The following ARNT2 variants were observed in gnomAD, a reference collection of about 807,000 sequenced individuals.
ARNT2 encodes aryl hydrocarbon receptor nuclear translocator 2.
In ARNT2, 36 loss-of-function variants were observed where a neutral mutation model predicts 91.7. The observed-to-expected ratio is 0.39, with a 90% CI of 0.30 to 0.52. The LOEUF (loss-of-function observed/expected upper bound fraction) is 0.52, where lower values mean the gene tolerates loss of function less well. Ranked by LOEUF, ARNT2 falls within the 20% of genes least tolerant of loss-of-function variation. The probability of loss-of-function intolerance (pLI) is 0.72; values close to 1 mark genes in which losing one functional copy is unlikely to be tolerated. For synonymous variants in ARNT2, 365 were observed against 347.1 expected (o/e 1.05, Z -0.57); for missense variants, 775 against 939.3 (o/e 0.83, Z 2.29).
intron 1 of ARNT2, among the ~76,000 whole-genome samples, chr15:80,405,521 A>G (rs1001495292): frequency 5.9e-5 from 9 of 152,192 alleles, no homozygotes; most frequent in Non-Finnish European, 1.3e-4. Context: ...AATGCCTAGC[A>G]AAGAAAAGTG....
rs145999977 is a variant in ARNT2 at position 80,575,249 on chromosome 15, C to T, written c.1513+139C>T. On this transcript the variant is annotated intron_variant, in intron 14 of 18. Coordinates refer to ENST00000303329, the MANE Select transcript of ARNT2 (RefSeq NM_014862.4). ...AACCATTGCAGGGTATAAAAATACA[C>T]GAGTTGGAATGGATTCTGTCTACTC... is the stretch of plus-strand genomic sequence containing the variant. 2.0e-4 allele frequency: 234 copies of T among 1,191,340 alleles called. 3 individuals carry two copies. Among genetic ancestry groups the T allele is most frequent in the East Asian group, 1.7e-3 (71 of 41,606 alleles). The allele number at this position is 1,191,340 out of a possible 1,614,324, so 73.8% of individuals were successfully genotyped here.
intron 6 of ARNT2, among the ~76,000 whole-genome samples, chr15:80,510,148 C>T (rs574794884): frequency 1.3e-4 from 20 of 152,060 alleles, no homozygotes; most frequent in Non-Finnish European, 2.5e-4. Flanking sequence ...ATTTCACAGA[C>T]GGAGCCAGCC....
chr15:80,589,751 A>T (rs1893240148), intron 17 of ARNT2, among the ~76,000 whole-genome samples: 1 of 152,178 alleles, frequency 6.6e-6, no homozygotes, highest in African/African-American at 2.4e-5. Context: ...TGCTAAGCCA[A>T]TTAATGAGGC....
chr15:80,413,258 C>T (rs181246886), intron 1 of ARNT2, among the ~76,000 whole-genome samples: 60 of 152,316 alleles, frequency 3.9e-4, no homozygotes, highest in African/African-American at 1.3e-3. Flanking sequence ...CCCTCCACCC[C>T]CTCCCTTACC....
At chr15:80,487,937 A>C (rs754592509) in intron 5 of ARNT2, 11 of 152,236 alleles carry the variant, frequency 7.2e-5, no homozygotes, top group African/African-American at 2.7e-4. Context: ...CAGGGCTTAC[A>C]GGGAATCAGG....
chr15:80,588,964 C>T (rs1316048256), intron 17 of ARNT2, among the ~76,000 whole-genome samples: 1 of 152,092 alleles, frequency 6.6e-6, no homozygotes, highest in Non-Finnish European at 1.5e-5. Flanking sequence ...ATGGAGCCCA[C>T]GTCAGAGCAG....
At chr15:80,430,501 A>G (rs1215032648) in intron 1 of ARNT2, among the ~76,000 whole-genome samples, 4 of 152,230 alleles carry the variant, frequency 2.6e-5, no homozygotes, top group East Asian at 1.9e-4. Flanking sequence ...GGGATAGCCC[A>G]GGGCTAGGAG....
chr15:80,532,714 T>C lies in ARNT2; in HGVS notation c.877+18309T>C, dbSNP rs74450348. Among the ~76,000 whole-genome samples the C allele has an allele frequency of 1.7e-4, 26 of 152,310 alleles. No individual in the cohort carries two copies. The East Asian group carries it at 4.8e-3, about 28-fold the overall frequency. On this transcript the variant is annotated intron_variant, in intron 8 of 18. Transcript: ENST00000303329. The stretch of plus-strand genomic sequence containing the variant: ...CAAAAATATTTGCCTTTCATAACTG[T>C]CCTACTGTCATTATTCTTATTTAGA...
intron 6 of ARNT2, among the ~76,000 whole-genome samples, chr15:80,510,607 G>C (rs1254302313): frequency 1.6e-5 from 1 of 61,716 alleles, no homozygotes; most frequent in African/African-American, 5.7e-5. Context: ...AAGGCGGGCA[G>C]ATCACGAGGT....
At chr15:80,414,315 C>T (rs1331656683) in intron 1 of ARNT2, among the ~76,000 whole-genome samples, 1 of 152,156 alleles carries the variant, frequency 6.6e-6, no homozygotes, top group Non-Finnish European at 1.5e-5. Flanking sequence ...AGGGCAGCCC[C>T]CACAGCAAAG....
Position 80,589,678 on chromosome 15 carries a change from G to A in ARNT2, c.1919-1890G>A, listed in dbSNP as rs77243358. On this transcript the variant is annotated intron_variant, in intron 17 of 18. Transcript: ENST00000303329. Reference sequence around the variant, plus strand: ...GTGCCTGTCAGGTGGGAATTTCCTCGTAGCTCCAGCTGGCGATGCTACTGT... The same window carrying A: ...GTGCCTGTCAGGTGGGAATTTCCTCATAGCTCCAGCTGGCGATGCTACTGT... Among the ~76,000 whole-genome samples the A allele has an allele frequency of 1.4e-3, 209 of 152,246 alleles. 3 individuals are homozygous for A. The East Asian group carries it at 0.034, about 25-fold the overall frequency.
At chr15:80,585,721 C>G (rs1436297432) in intron 17 of ARNT2, among the ~76,000 whole-genome samples, 1 of 152,164 alleles carries the variant, frequency 6.6e-6, no homozygotes, top group African/African-American at 2.4e-5. Flanking sequence ...AAGAATTTCC[C>G]CAGGGAGTGC....
chr15:80,578,254 G>A (rs535821346), intron 15 of ARNT2, among the ~76,000 whole-genome samples: 2 of 152,284 alleles, frequency 1.3e-5, no homozygotes, highest in African/African-American at 4.8e-5. Flanking sequence ...GACCGGAGAA[G>A]GTCTGGCTGA....
In ARNT2 at chr15:80,574,237, C is replaced by A; in HGVS notation, c.1389+17C>A. Reference sequence around the variant, plus strand: ...TTATCCCAGGTGAGTTTCTGGAAAACCCTTTCCCTGTTGGAATTGTCTCCA... The same window carrying A: ...TTATCCCAGGTGAGTTTCTGGAAAAACCTTTCCCTGTTGGAATTGTCTCCA... On this transcript the variant is annotated intron_variant, in intron 13 of 18. Coordinates refer to ENST00000303329, the MANE Select transcript of ARNT2 (RefSeq NM_014862.4). 1.2e-6 allele frequency: 2 copies of A among 1,612,138 alleles called. No homozygotes were observed. The highest frequency in any genetic ancestry group is 1.7e-6 in the Non-Finnish European group (2 of 1,178,166).
At chr15:80,514,769 C>T (rs1897405729) in intron 8 of ARNT2, among the ~76,000 whole-genome samples, 1 of 152,104 alleles carries the variant, frequency 6.6e-6, no homozygotes, top group African/African-American at 2.4e-5. Context: ...GCCTGTCGTC[C>T]CAGCTACTTC....
chr15:80,460,205 T>A (rs1436093718), intron 3 of ARNT2, among the ~76,000 whole-genome samples: 1 of 152,242 alleles, frequency 6.6e-6, no homozygotes, highest in Non-Finnish European at 1.5e-5. Context: ...GTCTCCTGTG[T>A]GTGTGCCATC....
At chr15:80,468,854 C>T (rs144653827) in intron 3 of ARNT2, among the ~76,000 whole-genome samples, 1 of 152,192 alleles carries the variant, frequency 6.6e-6, no homozygotes, top group Non-Finnish European at 1.5e-5. Context: ...TGGCTCAGGT[C>T]GCTCTGCAGT....
intron 12 of ARNT2, among the ~76,000 whole-genome samples, chr15:80,570,678 T>G (rs1898567778): frequency 6.6e-6 from 1 of 152,138 alleles, no homozygotes; most frequent in Non-Finnish European, 1.5e-5. Flanking sequence ...ACACCGACAT[T>G]AGGAGGCAGA....
intron 1 of ARNT2, among the ~76,000 whole-genome samples, chr15:80,414,927 T>C (rs2141556397): frequency 6.6e-6 from 1 of 152,314 alleles, no homozygotes; most frequent in East Asian, 1.9e-4. Flanking sequence ...TAAAACAGGT[T>C]GGCTACGTGT....
Sources: gnomAD v4.1 joint callset for allele counts (sites outside exome capture counted in the v4.1 genomes callset) on GRCh38, gnomAD v4.1.1 for gene constraint, MANE v1.5 for transcripts, NCBI Gene and HGNC (gene_info 2026-07-23, HGNC 2026-07-21) for gene names.